Variants in IL15RA observed in about 807,000 individuals in gnomAD.
IL15RA encodes interleukin 15 receptor subunit alpha.
IL15RA carries 26 observed loss-of-function variants against 24.2 expected under a neutral mutation model. The ratio of observed to expected loss-of-function variants is 1.07; its 90% confidence interval spans 0.79 to 1.49. The LOEUF is 1.49. Among genes scored for constraint, IL15RA ranks in the 40% most tolerant of loss-of-function variants. IL15RA has a pLI of 0.00. For missense variants in IL15RA, 354 were observed against 356.4 expected (o/e 0.99, Z 0.05); for synonymous variants, 166 against 157.6 (o/e 1.05, Z -0.40).
At chr10:5,977,338 C>G (rs568145524) in intron 1 of IL15RA, 67 bp downstream of exon 1, 12 of 754,506 alleles carry the variant, frequency 1.6e-5, no homozygotes, top group Non-Finnish European at 2.2e-5. Context: ...GCGCCCGGTT[C>G]CCTCCAGCTC....
rs1413798593 is a variant in IL15RA at position 5,975,445 on chromosome 10, C to A, written c.88+1960G>T. ...AGGACTGTGCAGGGCATGAGGAAGT[C>A]TTTGGGAGTGATAGTTGTGTTCACT... On this transcript the variant is annotated intron_variant, in intron 1 of 6. Transcript: ENST00000379977. The surrounding 1 kb of genome is among the most constrained non-coding windows in gnomAD (Gnocchi z 4.8). Among the ~76,000 whole-genome samples the A allele has an allele frequency of 6.6e-6, 1 of 151,702 alleles. No individual in the cohort carries two copies. The highest frequency in any genetic ancestry group is 2.4e-5 in the African/African-American group (1 of 41,270).
At chr10:5,969,415 CAGCGGGGAGTGCAGTGGCATGATCAT>C (rs1837220271) in intron 1 of IL15RA, among the ~76,000 whole-genome samples, 1 of 151,584 alleles carries the variant, frequency 6.6e-6, no homozygotes, top group Admixed American at 6.6e-5. Context: ...CTCTGTCTCC[CAGCGGGGAGTGCAGTGGCATGATCAT>C]AGCTCACTGC....
downstream of IL15RA, among the ~76,000 whole-genome samples, chr10:5,952,152 T>G (rs897232189): frequency 1.3e-5 from 2 of 152,194 alleles, no homozygotes; most frequent in Non-Finnish European, 2.9e-5. Flanking sequence ...TGTATACCAC[T>G]GGGGAGCTGA....
chr10:5,960,118 G>T lies in IL15RA; in HGVS notation c.583+249C>A, dbSNP rs1835246321. ...CAGCTGCACAGGCTCTGCCATGCGG[G>T]TGATAAGGCTGGCCCTGTCACATCT... On this transcript the variant is annotated intron_variant, in intron 4 of 6. Transcript: ENST00000379977. This position sits in a 1 kb window ranked among gnomAD's most constrained non-coding sequence, Gnocchi z 5.1. Among the ~76,000 whole-genome samples, 1 of 152,212 alleles carries T rather than the reference G, an allele frequency of 6.6e-6. No homozygotes were observed. The highest frequency in any genetic ancestry group is 1.5e-5 in the Non-Finnish European group (1 of 68,034).
At position 5,953,673 on chromosome 10, in the gene IL15RA, G is replaced by C. The variant is rs2132250317; in HGVS notation, c.693-467C>G. The C allele has an allele frequency of 2.9e-6, 1 of 344,046 alleles. No individual in the cohort carries two copies. The highest frequency in any genetic ancestry group is 5.3e-6 in the Non-Finnish European group (1 of 188,900). 21.3% of individuals were successfully genotyped at this position (344,046 alleles called of 1,614,324 possible). A position where few individuals can be genotyped will look rare whatever the true frequency, so the allele number is the denominator to read the frequency against. ...ATTCAAATGGCAGGAACAAGAGAAG[G>C]AGAGAGTGACTGGGAGCCTAGCCAA... On this transcript the variant is annotated intron_variant, in intron 6 of 6. Transcript: ENST00000379977. The surrounding 1 kb of genome is among the most constrained non-coding windows in gnomAD (Gnocchi z 5.3).
chr10:5,963,674 G>A lies in IL15RA; in HGVS notation c.382+69C>T. ...CACCACAGAGGTCCGTGAGTCTGCA[G>A]GATTGGTGAGCGGGCCTCTGGGTGT... is the stretch of plus-strand genomic sequence containing the variant. On this transcript the variant is annotated intron_variant, in intron 3 of 6. Transcript: ENST00000379977. The surrounding 1 kb of genome is among the most constrained non-coding windows in gnomAD (Gnocchi z 5.3). 1 of 955,440 alleles carries A rather than the reference G, an allele frequency of 1.0e-6. No individual in the cohort carries two copies. Among genetic ancestry groups the A allele is most frequent in the Non-Finnish European group, 1.5e-6 (1 of 662,058 alleles). 59.2% of individuals were successfully genotyped at this position (955,440 alleles called of 1,614,324 possible).
Position 5,968,853 on chromosome 10 carries a change from T to C in IL15RA, c.89-2514A>G, listed in dbSNP as rs1383609110. Reference sequence around the variant, plus strand: ...TGTCCTGAGTCTCACGCAGGCCTCGTGTGTCTGGACCTCATGGTTGAAGCT... The same window carrying C: ...TGTCCTGAGTCTCACGCAGGCCTCGCGTGTCTGGACCTCATGGTTGAAGCT... On this transcript the variant is annotated intron_variant, in intron 1 of 6. Coordinates refer to ENST00000379977, the MANE Select transcript of IL15RA (RefSeq NM_002189.4). The surrounding 1 kb of genome is among the most constrained non-coding windows in gnomAD (Gnocchi z 5.4). 5.1e-6 allele frequency: 5 copies of C among 982,522 alleles called. No individual in the cohort carries two copies. Among genetic ancestry groups the C allele is most frequent in the East Asian group, 2.6e-5 (1 of 38,466 alleles). The allele number at this position is 982,522 out of a possible 1,614,324, so 60.9% of individuals were successfully genotyped here.
chr10:5,966,364 A>G lies in IL15RA; in HGVS notation c.89-25T>C, dbSNP rs1306367003. ...CCTGCGAAAGTGCAGAGGACAGGGGACGGTGAAGAGGTTTCCACTTGTAAG... is the reference window on the plus strand; with the variant it reads ...CCTGCGAAAGTGCAGAGGACAGGGGGCGGTGAAGAGGTTTCCACTTGTAAG... On this transcript the variant is annotated intron_variant, in intron 1 of 6. Coordinates refer to ENST00000379977, the MANE Select transcript of IL15RA (RefSeq NM_002189.4). The surrounding 1 kb of genome is among the most constrained non-coding windows in gnomAD (Gnocchi z 6.4). 4 of 1,588,962 alleles carry G rather than the reference A, an allele frequency of 2.5e-6. No homozygotes were observed. The South Asian group carries it at 3.3e-5, about 13-fold the overall frequency.
Position 5,963,711 on chromosome 10 carries a change from G to A in IL15RA, c.382+32C>T, listed in dbSNP as rs3136614. The A allele has an allele frequency of 0.8, 1,125,737 of 1,405,840 alleles. 452,508 individuals are homozygous for A. Among genetic ancestry groups the A allele is most frequent in the East Asian group, 0.97 (35,360 of 36,560 alleles). The allele number at this position is 1,405,840 out of a possible 1,614,324, so 87.1% of individuals were successfully genotyped here. A position where few individuals can be genotyped will look rare whatever the true frequency, so the allele number is the denominator to read the frequency against. On this transcript the variant is annotated intron_variant, in intron 3 of 6. Transcript: ENST00000379977. This position sits in a 1 kb window ranked among gnomAD's most constrained non-coding sequence, Gnocchi z 5.3. ...GGGCCTCTGGGTGTTGGGAGGGAATGAATGTCCTCGAGAAGTTTCTGACCT... is the reference window on the plus strand; with the variant it reads ...GGGCCTCTGGGTGTTGGGAGGGAATAAATGTCCTCGAGAAGTTTCTGACCT...
rs565659361 is a variant in IL15RA at position 5,952,396 on chromosome 10, A to G, written c.*699T>C. The G allele has an allele frequency of 6.5e-6, 1 of 152,922 alleles. No homozygotes were observed. Among genetic ancestry groups the G allele is most frequent in the African/African-American group, 2.4e-5 (1 of 41,580 alleles). The allele number at this position is 152,922 out of a possible 1,614,324, so 9.5% of individuals were successfully genotyped here. On this transcript the variant is annotated 3_prime_UTR_variant, in exon 7 of 7. Transcript: ENST00000379977. ...TGCATTTTAAAAATATTGAAAATAG[A>G]TGTTTTATTTTGTTTATACAAGGTA...
rs368561252 is a variant in IL15RA, at chr10:5,967,167, CCTTGCCTTGT to C, written c.89-838_89-829del. ...GCTTGGCAGTACTTGCAAGATCGGGCCTTGCCTTGTCTTGCCTTGCCTTACCTTGCCTTAC... is the reference window on the plus strand; with the variant it reads ...GCTTGGCAGTACTTGCAAGATCGGGCCTTGCCTTGCCTTACCTTGCCTTAC... On this transcript the variant is annotated intron_variant, in intron 1 of 6. Coordinates refer to ENST00000379977, the MANE Select transcript of IL15RA (RefSeq NM_002189.4). The surrounding 1 kb of genome is among the most constrained non-coding windows in gnomAD (Gnocchi z 4.4). Among the ~76,000 whole-genome samples, 2 of 139,176 alleles carry C rather than the reference CCTTGCCTTGT, an allele frequency of 1.4e-5. No individual in the cohort carries two copies. Among genetic ancestry groups the C allele is most frequent in the African/African-American group, 6.9e-5 (2 of 29,176 alleles). 91.3% of individuals were successfully genotyped at this position (139,176 alleles called of 152,430 possible). A position where few individuals can be genotyped will look rare whatever the true frequency, so the allele number is the denominator to read the frequency against.
Position 5,966,107 on chromosome 10 carries a change from G to A in IL15RA, c.283+38C>T, listed in dbSNP as rs377753616. The A allele has an allele frequency of 3.2e-5, 46 of 1,417,166 alleles. No individual in the cohort carries two copies. The highest frequency in any genetic ancestry group is 3.9e-5 in the Non-Finnish European group (39 of 1,007,332). The allele number at this position is 1,417,166 out of a possible 1,614,324, so 87.8% of individuals were successfully genotyped here. ...TCTCTCTGTGCAGCCTTGGCAGGGTGGGGGAGGGAGGAAGGTGGGGTGGCA... is the reference window on the plus strand; with the variant it reads ...TCTCTCTGTGCAGCCTTGGCAGGGTAGGGGAGGGAGGAAGGTGGGGTGGCA... On this transcript the variant is annotated intron_variant, in intron 2 of 6. Coordinates refer to ENST00000379977, the MANE Select transcript of IL15RA (RefSeq NM_002189.4). The surrounding 1 kb of genome is among the most constrained non-coding windows in gnomAD (Gnocchi z 6.4).
chr10:5,975,968 C>T lies in IL15RA; in HGVS notation c.88+1437G>A, dbSNP rs1838389895. Among the ~76,000 whole-genome samples the T allele has an allele frequency of 6.6e-6, 1 of 152,176 alleles. No individual in the cohort carries two copies. Among genetic ancestry groups the T allele is most frequent in the African/African-American group, 2.4e-5 (1 of 41,442 alleles). On this transcript the variant is annotated intron_variant, in intron 1 of 6. Coordinates refer to ENST00000379977, the MANE Select transcript of IL15RA (RefSeq NM_002189.4). This position sits in a 1 kb window ranked among gnomAD's most constrained non-coding sequence, Gnocchi z 4.8. ...CTTTGGGAAGGGAAGGTAGCAACAT[C>T]TTTCTAAGGTCAAAGGGCAAGGCTG... is the stretch of plus-strand genomic sequence containing the variant.
At position 5,961,076 on chromosome 10, in the gene IL15RA, A is replaced by G. The variant is rs1028132283; in HGVS notation, c.383-509T>C. 6.6e-6 allele frequency among the ~76,000 whole-genome samples: 1 copy of G among 152,014 alleles called. No homozygotes were observed. Among genetic ancestry groups the G allele is most frequent in the Non-Finnish European group, 1.5e-5 (1 of 68,008 alleles). On this transcript the variant is annotated intron_variant, in intron 3 of 6. Coordinates refer to ENST00000379977, the MANE Select transcript of IL15RA (RefSeq NM_002189.4). This position sits in a 1 kb window ranked among gnomAD's most constrained non-coding sequence, Gnocchi z 5.2. ...ATTACAGGTGTCCACCACCACGCCC[A>G]GCTAATTTTTGTATTTTTAATAGAG...
Position 5,977,410 on chromosome 10 carries a change from G to C in IL15RA, c.83C>G (p.Thr28Arg). Reference sequence around the variant, plus strand: ...CCCTGCTCCCAGCTCCCTACCCCGCGTCGCCGGCGGCCGGAGCAGCAGCAG... The same window carrying C: ...CCCTGCTCCCAGCTCCCTACCCCGCCTCGCCGGCGGCCGGAGCAGCAGCAG... ...LLLLLLRPPA[T>R]RGITCPPPMS... Residue 28 changes from threonine (T) to arginine (R), a missense_variant, in exon 1 of 7, where the codon ACG (threonine) becomes AGG (arginine). By Grantham distance (71) the Thr-to-Arg change is moderately conservative. Coordinates refer to ENST00000379977, the MANE Select transcript of IL15RA (RefSeq NM_002189.4). The C allele has an allele frequency of 7.5e-7, 1 of 1,329,756 alleles. No individual in the cohort carries two copies. Among genetic ancestry groups the C allele is most frequent in the East Asian group, 3.1e-5 (1 of 31,976 alleles). 82.4% of individuals were successfully genotyped at this position (1,329,756 alleles called of 1,614,324 possible). A position where few individuals can be genotyped will look rare whatever the true frequency, so the allele number is the denominator to read the frequency against.
chr10:5,957,067 C>T (rs1425441323), intron 5 of IL15RA, among the ~76,000 whole-genome samples: 1 of 148,218 alleles, frequency 6.7e-6, no homozygotes, highest in African/African-American at 2.5e-5. Flanking sequence ...TCAAGTGATT[C>T]TCCTGCCTCA....
chr10:5,962,433 A>G lies in IL15RA; in HGVS notation c.382+1310T>C, dbSNP rs1835743428. On this transcript the variant is annotated intron_variant, in intron 3 of 6. Transcript: ENST00000379977. The surrounding 1 kb of genome is among the most constrained non-coding windows in gnomAD (Gnocchi z 5.2). ...ATGGTGAAACCCTGTCTCTACTAAA[A>G]ATACAGAAATTAGCCAGGCGTGGTG... Among the ~76,000 whole-genome samples the G allele has an allele frequency of 1.3e-5, 2 of 152,022 alleles. No individual in the cohort carries two copies. The highest frequency in any genetic ancestry group is 2.4e-5 in the African/African-American group (1 of 41,372).
Position 5,960,328 on chromosome 10 carries a change from T to A in IL15RA, c.583+39A>T, listed in dbSNP as rs755048794. The A allele has an allele frequency of 1.3e-6, 2 of 1,563,366 alleles. No homozygotes were observed. The highest frequency in any genetic ancestry group is 1.8e-6 in the Non-Finnish European group (2 of 1,134,296). On this transcript the variant is annotated intron_variant, in intron 4 of 6. Coordinates refer to ENST00000379977, the MANE Select transcript of IL15RA (RefSeq NM_002189.4). This position sits in a 1 kb window ranked among gnomAD's most constrained non-coding sequence, Gnocchi z 5.1. Reference sequence around the variant, plus strand: ...TCAGCCCCGATCTCAGAAGCAGCAATGGGGAACTGACCTCTCCTGGGGCAA... The same window carrying A: ...TCAGCCCCGATCTCAGAAGCAGCAAAGGGGAACTGACCTCTCCTGGGGCAA...
Position 5,959,695 on chromosome 10 carries a change from G to T in IL15RA, c.616+59C>A. On this transcript the variant is annotated intron_variant, in intron 5 of 6. Transcript: ENST00000379977. The surrounding 1 kb of genome is among the most constrained non-coding windows in gnomAD (Gnocchi z 4.1). ...AGCGGGCCTGGGCCAGGACCACCCA[G>T]CACCCTGGGACTGCGGTCACCCTGA... The T allele has an allele frequency of 1.3e-6, 2 of 1,540,016 alleles. No individual in the cohort carries two copies. Among genetic ancestry groups the T allele is most frequent in the Non-Finnish European group, 9.0e-7 (1 of 1,114,404 alleles).
Sources: allele counts gnomAD v4.1 joint callset (sites outside exome capture counted in the v4.1 genomes callset), GRCh38; gene constraint gnomAD v4.1.1; non-coding constraint Gnocchi (gnomAD v3.1); transcripts MANE v1.5; gene names NCBI Gene and HGNC (gene_info 2026-07-23, HGNC 2026-07-21).